Variants in HERC3 observed in about 807,000 individuals in gnomAD.
HERC3 encodes probable E3 ubiquitin-protein ligase HERC3.
Under a neutral mutation model 129.9 loss-of-function variants are expected in HERC3, and 58 were observed. That is an observed-to-expected ratio of 0.45 (90% CI 0.36 to 0.56). The LOEUF (loss-of-function observed/expected upper bound fraction) is 0.56. Ranked by LOEUF, HERC3 falls within the 20% of genes least tolerant of loss-of-function variation. The pLI is 0.00. For missense variants in HERC3, 835 were observed against 1,244.2 expected (o/e 0.67, Z 4.95); for synonymous variants, 430 against 451.0 (o/e 0.95, Z 0.59).
At chr4:88,527,507 C>G in the HERC3 span, 1 of 176,090 alleles carries the variant, frequency 5.7e-6, no homozygotes, top group Non-Finnish European at 1.2e-5. Context: ...GTGATCCTCC[C>G]GCCTCAGCCT....
intron 3 of HERC3, among the ~76,000 whole-genome samples, chr4:88,617,909 A>G (rs1210598548): frequency 6.6e-6 from 1 of 152,126 alleles, no homozygotes; most frequent in Admixed American, 6.5e-5. Context: ...GAGTGCAGAA[A>G]AGTGGGGACC....
chr4:88,689,066 G>A (rs890812315), intron 23 of HERC3, among the ~76,000 whole-genome samples: 7 of 152,142 alleles, frequency 4.6e-5, no homozygotes, highest in Non-Finnish European at 1.0e-4. Flanking sequence ...CTGTTTGTAC[G>A]CATGCAGGAA....
intron 23 of HERC3, among the ~76,000 whole-genome samples, chr4:88,693,986 CAA>C (rs1734337367): frequency 6.6e-6 from 1 of 152,136 alleles, no homozygotes; most frequent in Non-Finnish European, 1.5e-5. Context: ...GTCCAGGAAA[CAA>C]TATAAAGATT....
At chr4:88,543,293 AACAG>A in the HERC3 span, among the ~76,000 whole-genome samples, 1 of 151,936 alleles carries the variant, frequency 6.6e-6, no homozygotes, top group African/African-American at 2.4e-5. Flanking sequence ...ATACACCAAG[AACAG>A]ACAGAGAGCC....
At chr4:88,656,339 C>A in intron 9 of HERC3, 1 of 304,542 alleles carries the variant, frequency 3.3e-6, no homozygotes, top group Non-Finnish European at 6.2e-6. Context: ...GCAGGCTCTA[C>A]AGGGAGCATG....
At chr4:88,669,669 C>T (rs183112077) in intron 14 of HERC3, among the ~76,000 whole-genome samples, 191 bp from the exon 15 acceptor site, 69 of 152,220 alleles carry the variant, frequency 4.5e-4, no homozygotes, top group Middle Eastern at 3.4e-3. Context: ...AAAAAAGCTC[C>T]AGGGATTCTT....
the HERC3 span, among the ~76,000 whole-genome samples, chr4:88,573,694 A>C: frequency 6.6e-6 from 1 of 152,226 alleles, no homozygotes; most frequent in African/African-American, 2.4e-5. Context: ...ACAAGCCAGC[A>C]GAAAGAGTAA....
rs1401112843 is a variant in HERC3, at chr4:88,670,118, CTG to C, written c.1798-19_1798-18del. 1.6e-5 allele frequency: 26 copies of C among 1,603,126 alleles called. No homozygotes were observed. Among genetic ancestry groups the C allele is most frequent in the Non-Finnish European group, 2.1e-5 (24 of 1,170,446 alleles). ...CTCTGGGAAGCCATGTTTCAGTTGT[CTG>C]TATTTTGTTCTTCATTAGGTAAATC... On this transcript the variant is annotated intron_variant, in intron 15 of 25. Coordinates refer to ENST00000402738, the MANE Select transcript of HERC3 (RefSeq NM_014606.3).
the HERC3 span, among the ~76,000 whole-genome samples, chr4:88,539,911 C>A: frequency 6.6e-6 from 1 of 152,118 alleles, no homozygotes; most frequent in African/African-American, 2.4e-5. Flanking sequence ...AAAAGGACAT[C>A]CACACCAAAA....
At chr4:88,686,430 C>T (rs1279668742) in intron 21 of HERC3, among the ~76,000 whole-genome samples, 1 of 152,154 alleles carries the variant, frequency 6.6e-6, no homozygotes, top group Admixed American at 6.6e-5. Context: ...CACACACTTG[C>T]AAGCTACACC....
At chr4:88,617,748 G>A (rs1489988036) in intron 3 of HERC3, among the ~76,000 whole-genome samples, 2 of 152,094 alleles carry the variant, frequency 1.3e-5, no homozygotes, top group African/African-American at 4.8e-5. Flanking sequence ...GTGGGCACCT[G>A]TATTCCCAGC....
chr4:88,585,836 A>G, the HERC3 span, among the ~76,000 whole-genome samples: 246 of 152,262 alleles, frequency 1.6e-3, 1 homozygote, highest in African/African-American at 5.7e-3. Flanking sequence ...TAACTAGAAG[A>G]TTTTAACATT....
At chr4:88,667,249 G>A in intron 12 of HERC3, 128 bp from the exon 13 acceptor site, 1 of 464,580 alleles carries the variant, frequency 2.2e-6, no homozygotes, top group Admixed American at 4.0e-5. Context: ...TAGTATTTTT[G>A]TGGATCTTAT....
Position 88,658,448 on chromosome 4 carries a change from T to A in HERC3, c.1103T>A (p.Phe368Tyr), listed in dbSNP as rs1232807866. 6.2e-7 allele frequency: 1 copy of A among 1,605,584 alleles called. No homozygotes were observed. The highest frequency in any genetic ancestry group is 8.5e-7 in the Non-Finnish European group (1 of 1,175,402). Residue 368 changes from phenylalanine to tyrosine, a missense_variant, in exon 10 of 26, where the codon TTC (phenylalanine) becomes TAC (tyrosine). Coordinates refer to ENST00000402738, the MANE Select transcript of HERC3 (RefSeq NM_014606.3). Reference sequence around the variant, plus strand: ...AAATATCATATCGTTAAGCAGATCTTCTCTGGAGGAGACCAGACTTTTGTA... The same window carrying A: ...AAATATCATATCGTTAAGCAGATCTACTCTGGAGGAGACCAGACTTTTGTA... ...RFKYHIVKQI[F>Y]SGGDQTFVLC...
At chr4:88,534,564 C>G in the HERC3 span, among the ~76,000 whole-genome samples, 1 of 152,004 alleles carries the variant, frequency 6.6e-6, no homozygotes, top group Non-Finnish European at 1.5e-5. Context: ...GGATCTCATA[C>G]TGCAAGGCTT....
upstream of HERC3, among the ~76,000 whole-genome samples, chr4:88,591,271 T>TA (rs1721689663): frequency 6.6e-6 from 1 of 152,234 alleles, no homozygotes; most frequent in South Asian, 2.1e-4. Flanking sequence ...CCTGATAACT[T>TA]AGATTCTGCT....
chr4:88,570,694 A>T, the HERC3 span, among the ~76,000 whole-genome samples: 1 of 152,160 alleles, frequency 6.6e-6, no homozygotes, highest in African/African-American at 2.4e-5. Flanking sequence ...ATTTAATGGC[A>T]TCATCTTATT....
chr4:88,579,680 T>C, the HERC3 span, among the ~76,000 whole-genome samples: 1 of 152,186 alleles, frequency 6.6e-6, no homozygotes, highest in East Asian at 1.9e-4. Context: ...GTGGGCTGAA[T>C]AATCTATCCC....
At chr4:88,650,410 A>G (rs770167646) in intron 4 of HERC3, among the ~76,000 whole-genome samples, 1 of 152,260 alleles carries the variant, frequency 6.6e-6, no homozygotes, top group African/African-American at 2.4e-5. Flanking sequence ...CACTTTAAGC[A>G]TTACAAACAG....
Sources: allele counts gnomAD v4.1 joint callset (sites outside exome capture counted in the v4.1 genomes callset), GRCh38; gene constraint gnomAD v4.1.1; transcripts MANE v1.5; gene names NCBI Gene and HGNC (gene_info 2026-07-23, HGNC 2026-07-21).